The following STPG2 variants were observed in gnomAD, a reference collection of about 807,000 sequenced individuals.
The protein encoded by STPG2 is sperm-tail PG-rich repeat-containing protein 2.
In STPG2, 56 loss-of-function variants were observed where a neutral mutation model predicts 54.2. That is an observed-to-expected ratio of 1.03 (90% CI 0.83 to 1.29). The LOEUF (loss-of-function observed/expected upper bound fraction) is 1.29, where lower values mean the gene tolerates loss of function less well. Ranked by LOEUF, STPG2 falls within the 50% of genes most tolerant of loss-of-function variation. STPG2 has a pLI of 0.00. For synonymous variants in STPG2, 200 were observed against 181.8 expected, an observed-to-expected ratio of 1.10 and a Z score of -0.81; for missense variants, 596 against 544.9, an observed-to-expected ratio of 1.09 and a Z score of -0.93.
At chr4:97,707,150 G>C (rs1344487055) in intron 10 of STPG2, among the ~76,000 whole-genome samples, 2 of 152,138 alleles carry the variant, frequency 1.3e-5, no homozygotes, top group African/African-American at 4.8e-5. Flanking sequence ...TAAATATGTA[G>C]AAATGTTGTT....
At chr4:97,966,096 G>A (rs1734088039) in intron 7 of STPG2, among the ~76,000 whole-genome samples, 1 of 152,186 alleles carries the variant, frequency 6.6e-6, no homozygotes, top group African/African-American at 2.4e-5. Context: ...AAAGGAGCAT[G>A]TTTGAGCCCA....
intron 9 of STPG2, among the ~76,000 whole-genome samples, chr4:97,827,305 G>A (rs925787233): frequency 1.2e-4 from 17 of 146,366 alleles, no homozygotes; most frequent in Non-Finnish European, 4.5e-5. Flanking sequence ...GCATGATCTC[G>A]GCTCACTGCA....
At chr4:98,000,274 G>A (rs1735374223) in intron 5 of STPG2, among the ~76,000 whole-genome samples, 1 of 151,850 alleles carries the variant, frequency 6.6e-6, no homozygotes, top group South Asian at 2.1e-4. Flanking sequence ...TTATAATAAG[G>A]AAAAACAAAC....
chr4:97,836,282 T>C (rs1350696836), intron 9 of STPG2, among the ~76,000 whole-genome samples: 3 of 152,024 alleles, frequency 2.0e-5, no homozygotes, highest in African/African-American at 7.2e-5. Flanking sequence ...GTAACCAAAA[T>C]TCTGACTATT....
At position 98,141,942 on chromosome 4, in the gene STPG2, G is replaced by GAAAAA. The variant is rs3974892; in HGVS notation, c.109+1095_109+1099dup. 8.8e-3 allele frequency among the ~76,000 whole-genome samples: 854 copies of GAAAAA among 96,712 alleles called. 22 individuals carry two copies. The highest frequency in any genetic ancestry group is 0.013 in the Admixed American group (111 of 8,726). 63.4% of individuals were successfully genotyped at this position (96,712 alleles called of 152,430 possible). On this transcript the variant is annotated intron_variant, in intron 1 of 10. Transcript: ENST00000295268. ...GACACTCTTCCAAGACAGTAGTTGGGAAAAAAAAAAAAAAAAAAAACAGGA... is the reference window on the plus strand; with the variant it reads ...GACACTCTTCCAAGACAGTAGTTGGGAAAAAAAAAAAAAAAAAAAAAAAAACAGGA...
chr4:97,628,825 T>C (rs1721138468), intron 10 of STPG2, among the ~76,000 whole-genome samples: 1 of 152,082 alleles, frequency 6.6e-6, no homozygotes, highest in South Asian at 2.1e-4. Context: ...TATTGATTTT[T>C]ACAATATTGT....
At chr4:97,938,457 G>GAGCGC in intron 8 of STPG2, among the ~76,000 whole-genome samples, 1 of 151,762 alleles carries the variant, frequency 6.6e-6, no homozygotes, top group East Asian at 2.0e-4. Flanking sequence ...CAGTGACTAA[G>GAGCGC]TCAGAAGGCT....
At chr4:97,895,520 T>C (rs914469837) in intron 8 of STPG2, among the ~76,000 whole-genome samples, 4 of 151,990 alleles carry the variant, frequency 2.6e-5, no homozygotes, top group African/African-American at 9.6e-5. Flanking sequence ...ACTTATCTCA[T>C]AGCAATGGTT....
At chr4:97,794,604 T>C (rs1727107709) in intron 9 of STPG2, among the ~76,000 whole-genome samples, 1 of 152,170 alleles carries the variant, frequency 6.6e-6, no homozygotes, top group African/African-American at 2.4e-5. Context: ...CATATGAAAC[T>C]ACCATACCAT....
chr4:97,510,942 T>G (rs1730958672), intron 4 of STPG2, among the ~76,000 whole-genome samples: 1 of 152,052 alleles, frequency 6.6e-6, no homozygotes, highest in Non-Finnish European at 1.5e-5. Context: ...CACTATAGCT[T>G]GGGCAACAGA....
intron 9 of STPG2, among the ~76,000 whole-genome samples, chr4:97,797,829 G>T (rs1411344686): frequency 6.6e-6 from 1 of 152,030 alleles, no homozygotes; most frequent in East Asian, 1.9e-4. Context: ...GACTTTTTTT[G>T]GTTGGTAGGC....
At chr4:97,637,149 C>G (rs955426868) in intron 10 of STPG2, among the ~76,000 whole-genome samples, 1 of 152,194 alleles carries the variant, frequency 6.6e-6, no homozygotes, top group African/African-American at 2.4e-5. Context: ...CCACCATGAT[C>G]GAGTGGGCTT....
intron 10 of STPG2, among the ~76,000 whole-genome samples, chr4:97,701,180 C>A (rs574691037): frequency 3.5e-4 from 54 of 152,286 alleles, no homozygotes; most frequent in Non-Finnish European, 6.0e-4. Context: ...GTAGCCCTCA[C>A]CCTACCATTC....
chr4:98,109,170 G>T, intron 4 of STPG2, 23 bp downstream of exon 4: 3 of 1,371,162 alleles, frequency 2.2e-6, no homozygotes, highest in Non-Finnish European at 3.0e-6. Flanking sequence ...TACATTAAAG[G>T]TATACTATAT....
chr4:97,767,511 C>T lies in STPG2; in HGVS notation c.1205-54697G>A, dbSNP rs1012028128. Among the ~76,000 whole-genome samples, 51 of 151,964 alleles carry T rather than the reference C, an allele frequency of 3.4e-4. 1 individual carries two copies. Among genetic ancestry groups the T allele is most frequent in the Non-Finnish European group, 2.1e-4 (14 of 67,988 alleles). On this transcript the variant is annotated intron_variant, in intron 9 of 10. Coordinates refer to ENST00000295268, the MANE Select transcript of STPG2 (RefSeq NM_174952.3). ...GAGTTTAAATTTTACAATATAAATA[C>T]AATTTGCTGTACTTAATTACAAAGG...
At chr4:98,058,438 CCAATAAATAT>C (rs1165195969) in intron 5 of STPG2, among the ~76,000 whole-genome samples, 4 of 152,052 alleles carry the variant, frequency 2.6e-5, no homozygotes, top group Non-Finnish European at 4.4e-5. Context: ...AGACTTCAAA[CCAATAAATAT>C]CAAAAAATAC....
intron 10 of STPG2, among the ~76,000 whole-genome samples, chr4:97,605,950 T>A (rs1343997352): frequency 6.6e-6 from 1 of 151,842 alleles, no homozygotes; most frequent in Non-Finnish European, 1.5e-5. Context: ...TTGCTGTGAG[T>A]TTTATAGGTG....
At chr4:97,923,577 A>G (rs1732212713) in intron 8 of STPG2, among the ~76,000 whole-genome samples, 1 of 152,208 alleles carries the variant, frequency 6.6e-6, no homozygotes, top group Admixed American at 6.5e-5. Context: ...AGGTTTGTAA[A>G]TGCATCAATC....
intron 5 of STPG2, among the ~76,000 whole-genome samples, chr4:98,081,818 AG>A (rs1738351707): frequency 6.6e-6 from 1 of 152,228 alleles, no homozygotes; most frequent in African/African-American, 2.4e-5. Context: ...GAGACTGAGT[AG>A]GGATTAAAGC....
Sources: allele counts gnomAD v4.1 joint callset (sites outside exome capture counted in the v4.1 genomes callset), GRCh38; gene constraint gnomAD v4.1.1; transcripts MANE v1.5; gene names NCBI Gene and HGNC (gene_info 2026-07-23, HGNC 2026-07-21).